Variants in PLEKHD1 observed in about 807,000 individuals in gnomAD.
The protein encoded by PLEKHD1 is pleckstrin homology and coiled-coil domain containing D1, also known as pleckstrin homology domain-containing family D member 1.
PLEKHD1 carries 51 observed loss-of-function variants against 69.2 expected under a neutral mutation model. The observed-to-expected ratio is 0.74, with a 90% CI of 0.59 to 0.93. PLEKHD1 has a LOEUF of 0.93. Ranked by LOEUF, PLEKHD1 falls within the 40% of genes least tolerant of loss-of-function variation. The pLI, the probability that PLEKHD1 is intolerant of heterozygous loss-of-function variation, is 0.00. For synonymous variants in PLEKHD1, 236 were observed against 244.7 expected, an observed-to-expected ratio of 0.96 and a Z score of 0.33; for missense variants, 584 against 641.0, an observed-to-expected ratio of 0.91 and a Z score of 0.96.
intron 1 of PLEKHD1, among the ~76,000 whole-genome samples, chr14:69,494,590 A>G (rs542572631): frequency 7.0e-4 from 107 of 152,342 alleles, no homozygotes; most frequent in Non-Finnish European, 1.4e-3. Flanking sequence ...TACATGTGGA[A>G]CCCTTAGCAC....
chr14:69,483,199 A>C (rs1882577905), upstream of PLEKHD1, among the ~76,000 whole-genome samples: 1 of 152,090 alleles, frequency 6.6e-6, no homozygotes. Flanking sequence ...CTTGACAGTG[A>C]GCAACAAGGG....
chr14:69,470,010 C>T, the PLEKHD1 span, among the ~76,000 whole-genome samples: 5 of 151,978 alleles, frequency 3.3e-5, no homozygotes, highest in Non-Finnish European at 7.4e-5. Flanking sequence ...GCGTGAGCCA[C>T]CGTGCCCTGC....
chr14:69,525,892 C>T (rs1594994470), intron 8 of PLEKHD1, 52 bp from the exon 9 acceptor site: 10 of 1,510,990 alleles, frequency 6.6e-6, no homozygotes, highest in Middle Eastern at 3.4e-4. Context: ...AGGGCAGCCA[C>T]GATGGAGAAC....
chr14:69,494,004 G>A (rs997735301), intron 1 of PLEKHD1, among the ~76,000 whole-genome samples: 4 of 152,180 alleles, frequency 2.6e-5, no homozygotes, highest in South Asian at 2.1e-4. Context: ...TGGCCAGCTG[G>A]GCTGGAGCCA....
intron 6 of PLEKHD1, among the ~76,000 whole-genome samples, chr14:69,521,703 C>T (rs1883518262): frequency 6.6e-6 from 1 of 152,170 alleles, no homozygotes; most frequent in Admixed American, 6.5e-5. Flanking sequence ...AAGTCTGGTC[C>T]CCTGGGGCCT....
chr14:69,495,222 C>A (rs1461593701), intron 1 of PLEKHD1, among the ~76,000 whole-genome samples: 1 of 152,214 alleles, frequency 6.6e-6, no homozygotes, highest in Non-Finnish European at 1.5e-5. Flanking sequence ...GTGTGCCAGG[C>A]AAGTGCTGAG....
Position 69,500,294 on chromosome 14 carries a change from C to T in PLEKHD1, c.243+86C>T, listed in dbSNP as rs937570773. The T allele has an allele frequency of 7.0e-6, 8 of 1,148,582 alleles. No homozygotes were observed. The East Asian group carries it at 1.3e-4, about 18-fold the overall frequency. The allele number at this position is 1,148,582 out of a possible 1,614,324, so 71.1% of individuals were successfully genotyped here. On this transcript the variant is annotated intron_variant, in intron 2 of 12. Coordinates refer to ENST00000322564, the MANE Select transcript of PLEKHD1 (RefSeq NM_001161498.2). ...CATCTTGTGAGGGGAGGGGACTGCGCTCTTGCTCTGGCCTAGCAGAGAGTC... is the reference window on the plus strand; with the variant it reads ...CATCTTGTGAGGGGAGGGGACTGCGTTCTTGCTCTGGCCTAGCAGAGAGTC...
the PLEKHD1 span, among the ~76,000 whole-genome samples, chr14:69,474,032 T>TG: frequency 6.7e-6 from 1 of 148,582 alleles, no homozygotes; most frequent in Non-Finnish European, 1.5e-5. Context: ...GCTCAGTACT[T>TG]GACAAACTGA....
In PLEKHD1 at chr14:69,528,257, G is replaced by A. The variant is rs1192333870; in HGVS notation, c.1359G>A (p.Pro453=). 45 of 1,551,552 alleles carry A rather than the reference G, an allele frequency of 2.9e-5. No individual in the cohort carries two copies. The highest frequency in any genetic ancestry group is 3.5e-5 in the Non-Finnish European group (40 of 1,146,984). The change falls in exon 13 of 13, where the codon CCG becomes CCA. Residue 453 remains proline (P), a synonymous_variant. Transcript: ENST00000322564. The part of the protein sequence containing the change: ...RSSTSWNDMK[P]SQSFMTSQLD... ...GGGCTCCTGTTTCCCCAGTGAAGCCGTCCCAGTCCTTCATGACCTCCCAGC... is the reference window on the plus strand; with the variant it reads ...GGGCTCCTGTTTCCCCAGTGAAGCCATCCCAGTCCTTCATGACCTCCCAGC...
Position 69,527,342 on chromosome 14 carries a change from G to C in PLEKHD1, c.1201+10G>C, listed in dbSNP as rs1459552442. ...GTGAGCCATCTGAAAAGTAAGCCCTGCCTCTAGGCCCTGGCCCCCAGCTTT... is the reference window on the plus strand; with the variant it reads ...GTGAGCCATCTGAAAAGTAAGCCCTCCCTCTAGGCCCTGGCCCCCAGCTTT... On this transcript the variant is annotated intron_variant, in intron 11 of 12. Transcript: ENST00000322564. 1 of 1,551,470 alleles carries C rather than the reference G, an allele frequency of 6.4e-7. No individual in the cohort carries two copies. Among genetic ancestry groups the C allele is most frequent in the South Asian group, 1.2e-5 (1 of 84,054 alleles).
intron 6 of PLEKHD1, among the ~76,000 whole-genome samples, chr14:69,509,455 AT>A (rs1810031505): frequency 6.6e-6 from 1 of 152,178 alleles, no homozygotes; most frequent in African/African-American, 2.4e-5. Flanking sequence ...CTTGATAAAA[AT>A]CTTTTTGTAG....
At chr14:69,490,786 C>T (rs528967858) in intron 1 of PLEKHD1, among the ~76,000 whole-genome samples, 1 of 152,250 alleles carries the variant, frequency 6.6e-6, no homozygotes, top group East Asian at 1.9e-4. Context: ...GTCATTTCTA[C>T]CTTCCTTCTG....
chr14:69,517,499 C>T (rs1883411270), intron 6 of PLEKHD1, among the ~76,000 whole-genome samples: 1 of 152,050 alleles, frequency 6.6e-6, no homozygotes, highest in African/African-American at 2.4e-5. Context: ...TCTAGATTGC[C>T]TTGGATCTAG....
intron 1 of PLEKHD1, among the ~76,000 whole-genome samples, chr14:69,493,831 C>G (rs1445201900): frequency 6.6e-6 from 1 of 152,234 alleles, no homozygotes; most frequent in Non-Finnish European, 1.5e-5. Context: ...ACCCAATGCT[C>G]CGGGCTTCAC....
At chr14:69,481,255 C>A (rs764698041), upstream of PLEKHD1, among the ~76,000 whole-genome samples, 2 of 152,106 alleles carry the variant, frequency 1.3e-5, no homozygotes, top group African/African-American at 4.8e-5. Context: ...CTCAGGAGGT[C>A]GAGGCTGCAG....
chr14:69,525,853 G>T, intron 8 of PLEKHD1, 91 bp from the exon 9 acceptor site: 1 of 1,223,200 alleles, frequency 8.2e-7, no homozygotes, highest in Non-Finnish European at 1.1e-6. Context: ...GAGAGGAGTG[G>T]GTCACTCCCC....
intron 9 of PLEKHD1, 54 bp downstream of exon 9, chr14:69,526,176 T>C: frequency 2.0e-6 from 3 of 1,481,428 alleles, no homozygotes; most frequent in Non-Finnish European, 1.8e-6. Context: ...CTGGGGACTT[T>C]CCTCGAACTG....
intron 1 of PLEKHD1, among the ~76,000 whole-genome samples, chr14:69,499,229 A>ACACACACG (rs1882966320): frequency 2.6e-5 from 1 of 38,042 alleles, no homozygotes; most frequent in Non-Finnish European, 4.9e-5. Flanking sequence ...ATACGTGCAC[A>ACACACACG]CACACACACA....
At chr14:69,478,802 C>G in the PLEKHD1 span, among the ~76,000 whole-genome samples, 1 of 152,148 alleles carries the variant, frequency 6.6e-6, no homozygotes, top group South Asian at 2.1e-4. Context: ...CCAAACTTTC[C>G]CACATTTTCC....
Sources: allele counts gnomAD v4.1 joint callset (sites outside exome capture counted in the v4.1 genomes callset), GRCh38; gene constraint gnomAD v4.1.1; transcripts MANE v1.5; gene names NCBI Gene and HGNC (gene_info 2026-07-23, HGNC 2026-07-21).